CLASP2: variants seen among roughly 807,000 people sequenced by gnomAD.
CLASP2 encodes the protein cytoplasmic linker associated protein 2, also known as CLIP-associating protein 2.
A neutral mutation model predicts 194.4 loss-of-function variants in CLASP2; 47 were observed. The observed-to-expected ratio is 0.24, with a 90% confidence interval of 0.19 to 0.31. The LOEUF is 0.31. CLASP2 is among the 10% of genes least tolerant of loss of function. The pLI, the probability that CLASP2 is intolerant of heterozygous loss-of-function variation, is 1.00. For missense variants in CLASP2, 1,445 were observed against 1,823.6 expected, an observed-to-expected ratio of 0.79 and a Z score of 3.78; for synonymous variants, 619 against 633.5, an observed-to-expected ratio of 0.98 and a Z score of 0.34.
chr3:33,679,376 C>A (rs547446567), intron 6 of CLASP2, among the ~76,000 whole-genome samples: 13 of 152,234 alleles, frequency 8.5e-5, no homozygotes, highest in African/African-American at 2.9e-4. Context: ...AAAGAAATAA[C>A]TGATAAGTTG....
intron 36 of CLASP2, among the ~76,000 whole-genome samples, chr3:33,515,500 A>T (rs371828909): frequency 6.6e-6 from 1 of 152,222 alleles, no homozygotes; most frequent in Admixed American, 6.5e-5. Context: ...AATACCAAAA[A>T]TCAGCCAGTT....
chr3:33,715,847 TAAAAAAA>T (rs59528446), intron 1 of CLASP2, among the ~76,000 whole-genome samples: 11 of 62,172 alleles, frequency 1.8e-4, no homozygotes, highest in African/African-American at 3.2e-4. Flanking sequence ...GTATCTTAAG[TAAAAAAA>T]AAAAAAAAAA....
At chr3:33,628,428 G>A (rs972236351) in intron 9 of CLASP2, among the ~76,000 whole-genome samples, 6 of 152,112 alleles carry the variant, frequency 3.9e-5, no homozygotes, top group South Asian at 2.1e-4. Context: ...ACTCAAAAAC[G>A]TACTTCAGTG....
chr3:33,659,011 T>C (rs1237789986), intron 7 of CLASP2: 2 of 1,535,940 alleles, frequency 1.3e-6, no homozygotes, highest in Non-Finnish European at 1.7e-6. Context: ...GGGAGCTCTC[T>C]GAAACCAAGA....
chr3:33,703,990 A>G (rs1559687946), intron 1 of CLASP2, among the ~76,000 whole-genome samples: 1 of 152,362 alleles, frequency 6.6e-6, no homozygotes, highest in East Asian at 1.9e-4. Flanking sequence ...GTTAGCCTGA[A>G]AACGCTTCAT....
intron 34 of CLASP2, among the ~76,000 whole-genome samples, chr3:33,523,667 G>A (rs1217952560): frequency 1.3e-5 from 2 of 152,076 alleles, no homozygotes; most frequent in Non-Finnish European, 2.9e-5. Context: ...ATATACATTG[G>A]CAATTATAAA....
chr3:33,671,461 G>T (rs1029496571), intron 6 of CLASP2, among the ~76,000 whole-genome samples: 9 of 152,158 alleles, frequency 5.9e-5, no homozygotes, highest in African/African-American at 1.7e-4. Context: ...CTAAGGAGGA[G>T]CCAAGATGGC....
chr3:33,618,240 G>A (rs948829970), intron 12 of CLASP2, among the ~76,000 whole-genome samples: 5 of 152,154 alleles, frequency 3.3e-5, no homozygotes, highest in East Asian at 1.9e-4. Context: ...GAGCTGCCGC[G>A]CCCGGCCTGG....
At chr3:33,521,741 G>A (rs956735564) in intron 34 of CLASP2, among the ~76,000 whole-genome samples, 1 of 152,204 alleles carries the variant, frequency 6.6e-6, no homozygotes, top group South Asian at 2.1e-4. Context: ...TCCTCAACCA[G>A]ACAACAGAAT....
chr3:33,533,553 C>G (rs1183941582), intron 34 of CLASP2, among the ~76,000 whole-genome samples: 2 of 152,148 alleles, frequency 1.3e-5, no homozygotes, highest in Non-Finnish European at 2.9e-5. Flanking sequence ...TCATCACAAT[C>G]AGAAAAATTT....
In CLASP2 at chr3:33,543,143, C is replaced by T. The variant is rs181949772; in HGVS notation, c.3404+290G>A. On this transcript the variant is annotated intron_variant, in intron 32 of 38. Transcript: ENST00000682230. Reference sequence around the variant, plus strand: ...ATCCCAGCATTTTGGGAGGCCGAGGCGGGCAGATCACCTAAGGTCAGGAGT... The same window carrying T: ...ATCCCAGCATTTTGGGAGGCCGAGGTGGGCAGATCACCTAAGGTCAGGAGT... Among the ~76,000 whole-genome samples, 604 of 152,218 alleles carry T rather than the reference C, an allele frequency of 4.0e-3. 4 individuals carry two copies. Among genetic ancestry groups the T allele is most frequent in the Admixed American group, 8.5e-3 (130 of 15,278 alleles).
At chr3:33,660,610 CA>C (rs1230587086) in intron 7 of CLASP2, among the ~76,000 whole-genome samples, 1 of 151,924 alleles carries the variant, frequency 6.6e-6, no homozygotes, top group Non-Finnish European at 1.5e-5. Flanking sequence ...AAAGACACAC[CA>C]AAAAATTTTG....
At chr3:33,586,228 G>A (rs995724765) in intron 21 of CLASP2, among the ~76,000 whole-genome samples, 13 of 151,630 alleles carry the variant, frequency 8.6e-5, no homozygotes, top group African/African-American at 2.9e-4. Context: ...TCCGCCTCCC[G>A]GGTTCAAGTG....
chr3:33,641,877 C>T (rs1251312509), intron 8 of CLASP2, among the ~76,000 whole-genome samples: 4 of 151,768 alleles, frequency 2.6e-5, no homozygotes, highest in Non-Finnish European at 4.4e-5. Context: ...AAGCTAATCA[C>T]ATCTATCTAT....
At chr3:33,649,410 A>G (rs1305762926) in intron 7 of CLASP2, among the ~76,000 whole-genome samples, 1 of 152,210 alleles carries the variant, frequency 6.6e-6, no homozygotes, top group African/African-American at 2.4e-5. Context: ...TATCTTCAAC[A>G]TGTGGAACAA....
intron 4 of CLASP2, among the ~76,000 whole-genome samples, chr3:33,687,899 G>A (rs901279875): frequency 9.9e-5 from 15 of 152,182 alleles, no homozygotes; most frequent in African/African-American, 3.6e-4. Context: ...CACCCACACT[G>A]CTCTAGGGGT....
At chr3:33,602,053 G>A (rs1405225719) in intron 18 of CLASP2, among the ~76,000 whole-genome samples, 2 of 142,914 alleles carry the variant, frequency 1.4e-5, no homozygotes, top group African/African-American at 5.3e-5. Context: ...TCACTCTGTC[G>A]CCCAGGCTGC....
chr3:33,688,446 T>G, intron 3 of CLASP2, 78 bp from the exon 4 acceptor site: 1 of 1,052,702 alleles, frequency 9.5e-7, no homozygotes, highest in Non-Finnish European at 1.4e-6. Context: ...TTCCCAATCT[T>G]ACTACCAACC....
intron 30 of CLASP2, among the ~76,000 whole-genome samples, chr3:33,545,455 T>G (rs2059007046): frequency 6.6e-6 from 1 of 152,220 alleles, no homozygotes; most frequent in Non-Finnish European, 1.5e-5. Context: ...TGGACTTTTC[T>G]GAACCCACTC....
Sources: gnomAD v4.1 joint callset for allele counts (sites outside exome capture counted in the v4.1 genomes callset) on GRCh38, gnomAD v4.1.1 for gene constraint, MANE v1.5 for transcripts, NCBI Gene and HGNC (gene_info 2026-07-23, HGNC 2026-07-21) for gene names.